RAD51B: variants seen among roughly 807,000 people sequenced by gnomAD.
RAD51B encodes RAD51 paralog B.
In RAD51B, 38 loss-of-function variants were observed where a neutral mutation model predicts 42.2. The observed-to-expected ratio is 0.90, with a 90% CI of 0.70 to 1.18. RAD51B has a LOEUF of 1.18. Among genes scored for constraint, RAD51B ranks in the 50% most tolerant of loss-of-function variants. The probability of loss-of-function intolerance (pLI) is 0.00; values close to 1 mark genes in which losing one functional copy is unlikely to be tolerated. For missense variants in RAD51B, 373 were observed against 400.7 expected, an observed-to-expected ratio of 0.93 and a Z score of 0.59; for synonymous variants, 154 against 145.2, an observed-to-expected ratio of 1.06 and a Z score of -0.43.
rs572940978 is a variant in RAD51B, at chr14:67,961,291, C to T, written c.756+74087C>T. The stretch of plus-strand genomic sequence containing the variant: ...AAACTGTTGGGATTACAGACACAAG[C>T]GACCATGCCCAGTTGGAATTTCCTT... On this transcript the variant is annotated intron_variant, in intron 7 of 10. Coordinates refer to ENST00000471583, the MANE Select transcript of RAD51B (RefSeq NM_133510.4). Among the ~76,000 whole-genome samples, 7 of 152,266 alleles carry T rather than the reference C, an allele frequency of 4.6e-5. No homozygotes were observed. The East Asian group carries it at 7.7e-4, about 17-fold the overall frequency.
At chr14:68,168,865 A>G (rs1440367258) in intron 7 of RAD51B, among the ~76,000 whole-genome samples, 4 of 152,104 alleles carry the variant, frequency 2.6e-5, no homozygotes, top group Admixed American at 2.6e-4. Flanking sequence ...CATGATGTTC[A>G]TGAAATTGAG....
At chr14:68,478,858 C>T (rs781558863), downstream of RAD51B, among the ~76,000 whole-genome samples, 22 of 152,206 alleles carry the variant, frequency 1.4e-4, no homozygotes, top group African/African-American at 4.3e-4. Flanking sequence ...ATTTGTTGAG[C>T]GCATACCAAG....
intron 7 of RAD51B, among the ~76,000 whole-genome samples, chr14:68,222,675 TA>T (rs974068267): frequency 2.6e-5 from 4 of 151,872 alleles, no homozygotes; most frequent in South Asian, 2.1e-4. Flanking sequence ...CCTATTGAAA[TA>T]AAAAAAATAA....
At chr14:67,957,730 G>T (rs1409628477) in intron 7 of RAD51B, among the ~76,000 whole-genome samples, 2 of 152,272 alleles carry the variant, frequency 1.3e-5, no homozygotes, top group East Asian at 3.9e-4. Flanking sequence ...AATATTTTTT[G>T]ATATGGGATT....
At chr14:68,403,255 G>C (rs1210485665) in intron 8 of RAD51B, among the ~76,000 whole-genome samples, 2 of 151,958 alleles carry the variant, frequency 1.3e-5, no homozygotes, top group Non-Finnish European at 2.9e-5. Context: ...GTCCGCTAAG[G>C]CCATGAACTT....
intron 11 of RAD51B, among the ~76,000 whole-genome samples, chr14:68,655,640 G>A (rs1376186951): frequency 6.6e-6 from 1 of 152,188 alleles, no homozygotes; most frequent in Non-Finnish European, 1.5e-5. Context: ...TACAGCCTCT[G>A]CACAGCCAGG....
chr14:67,957,813 A>T (rs535510271), intron 7 of RAD51B, among the ~76,000 whole-genome samples: 1 of 152,346 alleles, frequency 6.6e-6, no homozygotes, highest in African/African-American at 2.4e-5. Flanking sequence ...TAATTTTCGT[A>T]AATGTATACC....
chr14:67,854,263 AC>A (rs1330774850), intron 4 of RAD51B, among the ~76,000 whole-genome samples: 3 of 152,194 alleles, frequency 2.0e-5, no homozygotes, highest in Admixed American at 6.5e-5. Flanking sequence ...AACAACTTTT[AC>A]CCTTGGGGTT....
intron 7 of RAD51B, among the ~76,000 whole-genome samples, chr14:68,143,506 G>T (rs1323679604): frequency 2.0e-5 from 3 of 152,222 alleles, no homozygotes; most frequent in African/African-American, 7.2e-5. Flanking sequence ...TCATTTCCTG[G>T]CCCGGCTGCC....
intron 8 of RAD51B, among the ~76,000 whole-genome samples, chr14:68,382,159 A>G (rs1687939039): frequency 6.6e-6 from 1 of 152,244 alleles, no homozygotes; most frequent in South Asian, 2.1e-4. Flanking sequence ...CCTGGGCGCT[A>G]TTGGCGTTTT....
Position 68,251,858 on chromosome 14 carries a change from G to A in RAD51B, c.757-40026G>A, listed in dbSNP as rs143059041. Among the ~76,000 whole-genome samples, 543 of 152,246 alleles carry A rather than the reference G, an allele frequency of 3.6e-3. 3 individuals carry two copies. Among genetic ancestry groups the A allele is most frequent in the African/African-American group, 0.012 (517 of 41,550 alleles). ...AAATTCTCCATTTTGTAATGTTACAGGAAAAAAACACCAGTGTCCGTTATG... is the reference window on the plus strand; with the variant it reads ...AAATTCTCCATTTTGTAATGTTACAAGAAAAAAACACCAGTGTCCGTTATG... On this transcript the variant is annotated intron_variant, in intron 7 of 10. Transcript: ENST00000471583.
chr14:68,121,955 A>G lies in RAD51B; in HGVS notation c.757-169929A>G, dbSNP rs565648598. Reference sequence around the variant, plus strand: ...TATAAGATATATATACATATCTTATATATATATATTTCACATAAGATAATG... The same window carrying G: ...TATAAGATATATATACATATCTTATGTATATATATTTCACATAAGATAATG... On this transcript the variant is annotated intron_variant, in intron 7 of 10. Transcript: ENST00000471583. Among the ~76,000 whole-genome samples the G allele has an allele frequency of 3.1e-3, 464 of 151,992 alleles. 1 individual carries two copies. Among genetic ancestry groups the G allele is most frequent in the African/African-American group, 0.011 (443 of 41,532 alleles).
chr14:68,382,734 A>G (rs1285790554), intron 8 of RAD51B, among the ~76,000 whole-genome samples: 1 of 152,226 alleles, frequency 6.6e-6, no homozygotes, highest in Non-Finnish European at 1.5e-5. Flanking sequence ...TTGGACCAGC[A>G]CAATGTATCC....
intron 8 of RAD51B, among the ~76,000 whole-genome samples, chr14:68,368,660 A>G (rs2139940381): frequency 6.6e-6 from 1 of 152,316 alleles, no homozygotes; most frequent in South Asian, 2.1e-4. Context: ...CAAGTGCTGC[A>G]TCCCTGCTAC....
At chr14:67,998,908 G>A (rs932405072) in intron 7 of RAD51B, among the ~76,000 whole-genome samples, 1 of 152,076 alleles carries the variant, frequency 6.6e-6, no homozygotes, top group African/African-American at 2.4e-5. Flanking sequence ...TAGTCTCAAG[G>A]GGAACCCTGT....
chr14:68,592,874 C>T (rs138829017), intron 10 of RAD51B, among the ~76,000 whole-genome samples: 1 of 152,136 alleles, frequency 6.6e-6, no homozygotes, highest in African/African-American at 2.4e-5. Context: ...GGATATGGGA[C>T]TGAGTGATAC....
intron 8 of RAD51B, among the ~76,000 whole-genome samples, chr14:68,359,919 C>T (rs1465208838): frequency 6.6e-6 from 1 of 152,204 alleles, no homozygotes; most frequent in Non-Finnish European, 1.5e-5. Flanking sequence ...GGTCTGGGTA[C>T]TTTCCACTTG....
chr14:68,611,160 G>T lies in RAD51B; in HGVS notation c.1191G>T (p.Met397Ile), dbSNP rs562299209. Reference sequence around the variant, plus strand: ...GTGTCTCCATGTGCCCTCCACAGATGCACTCAACTGTCCTCTCTTCTGCTC... The same window carrying T: ...GTGTCTCCATGTGCCCTCCACAGATTCACTCAACTGTCCTCTCTTCTGCTC... The change falls in exon 11 of 11, where the codon ATG becomes ATT. Residue 397 changes from methionine (M) to isoleucine (I), a missense_variant. Transcript: ENST00000487861. 7.1e-6 allele frequency: 5 copies of T among 703,096 alleles called. No homozygotes were observed. The East Asian group carries it at 1.3e-4, about 19-fold the overall frequency. 43.6% of individuals were successfully genotyped at this position (703,096 alleles called of 1,614,324 possible).
chr14:68,045,341 T>C (rs2076284637), intron 7 of RAD51B, among the ~76,000 whole-genome samples: 1 of 151,356 alleles, frequency 6.6e-6, no homozygotes, highest in South Asian at 2.1e-4. Context: ...TAGATAAACA[T>C]TTTAAGAGCA....
Sources: allele counts gnomAD v4.1 joint callset (sites outside exome capture counted in the v4.1 genomes callset), GRCh38; gene constraint gnomAD v4.1.1; transcripts MANE v1.5; gene names NCBI Gene and HGNC (gene_info 2026-07-23, HGNC 2026-07-21).